The following FREM3 variants were observed in gnomAD, a reference collection of about 807,000 sequenced individuals.
FREM3 encodes FRAS1 related extracellular matrix 3.
In FREM3, 105 loss-of-function variants were observed where a neutral mutation model predicts 129.1. The observed-to-expected ratio is 0.81, with a 90% confidence interval of 0.69 to 0.96. FREM3 has a LOEUF of 0.96. Among genes scored for constraint, FREM3 ranks in the 40% least tolerant of loss-of-function variants. The pLI, the probability that FREM3 is intolerant of heterozygous loss-of-function variation, is 0.00. For synonymous variants in FREM3, 1,014 were observed against 1,044.9 expected (o/e 0.97, Z 0.57); for missense variants, 2,593 against 2,666.3 (o/e 0.97, Z 0.61).
chr4:143,664,675 T>G (rs1739817182), intron 2 of FREM3, among the ~76,000 whole-genome samples: 1 of 152,174 alleles, frequency 6.6e-6, no homozygotes, highest in Non-Finnish European at 1.5e-5. Context: ...TGTTTGTCTG[T>G]GCCCTGCCCC....
chr4:143,604,334 T>G (rs751435301), intron 6 of FREM3, among the ~76,000 whole-genome samples: 3 of 152,050 alleles, frequency 2.0e-5, no homozygotes, highest in Admixed American at 6.6e-5. Context: ...GCAAAAGGAC[T>G]AAGACACTCC....
chr4:143,643,147 G>A (rs976852928), intron 2 of FREM3, among the ~76,000 whole-genome samples: 1 of 152,082 alleles, frequency 6.6e-6, no homozygotes, highest in African/African-American at 2.4e-5. Flanking sequence ...AGAGAAAAAG[G>A]AACACTTACT....
Position 143,700,527 on chromosome 4 carries a change from C to T in FREM3, c.149G>A (p.Gly50Asp). The change falls in exon 1 of 8, where the codon GGT becomes GAT. Residue 50 changes from glycine (G) to aspartate (D), a missense_variant. By Grantham distance (94) the Gly-to-Asp change is moderately conservative (BLOSUM62 -1). Coordinates refer to ENST00000329798, the MANE Select transcript of FREM3 (RefSeq NM_001168235.2). Reference protein sequence around the residue: ...PDPALYLPARGALDGTRPDGP... With the variant: ...PDPALYLPARDALDGTRPDGP... ...GTCGGGGCGAGTGCCGTCAAGCGCA[C>T]CCCGGGCGGGCAGGTAAAGCGCCGG... The T allele has an allele frequency of 1.3e-6, 2 of 1,519,214 alleles. No individual in the cohort carries two copies. The highest frequency in any genetic ancestry group is 2.4e-5 in the South Asian group (2 of 82,126). 94.1% of individuals were successfully genotyped at this position (1,519,214 alleles called of 1,614,324 possible). A position where few individuals can be genotyped will look rare whatever the true frequency, so the allele number is the denominator to read the frequency against.
intron 5 of FREM3, among the ~76,000 whole-genome samples, chr4:143,617,202 A>G (rs1037607891): frequency 6.6e-6 from 1 of 152,190 alleles, no homozygotes; most frequent in Non-Finnish European, 1.5e-5. Flanking sequence ...ACATTTCATT[A>G]TAGAGCAAGA....
chr4:143,602,457 G>T (rs1738589480), intron 6 of FREM3, among the ~76,000 whole-genome samples: 2 of 152,140 alleles, frequency 1.3e-5, no homozygotes, highest in South Asian at 4.1e-4. Flanking sequence ...GTGAATATCT[G>T]TAGGGTAGGG....
intron 4 of FREM3, among the ~76,000 whole-genome samples, chr4:143,622,493 T>A (rs187666385): frequency 6.6e-6 from 1 of 151,956 alleles, no homozygotes; most frequent in African/African-American, 2.4e-5. Context: ...GTATATTAAT[T>A]TTTTTCTTCT....
At chr4:143,692,399 A>T (rs1388897991) in intron 2 of FREM3, among the ~76,000 whole-genome samples, 1 of 152,200 alleles carries the variant, frequency 6.6e-6, no homozygotes, top group African/African-American at 2.4e-5. Flanking sequence ...ACTGGGAATG[A>T]GTAATGATTT....
At chr4:143,628,070 C>G (rs971130581) in intron 2 of FREM3, among the ~76,000 whole-genome samples, 1 of 151,994 alleles carries the variant, frequency 6.6e-6, no homozygotes, top group African/African-American at 2.4e-5. Context: ...TACTCAACAC[C>G]TCTATCGTTT....
At chr4:143,614,216 A>G (rs910215481) in intron 5 of FREM3, among the ~76,000 whole-genome samples, 18 of 152,340 alleles carry the variant, frequency 1.2e-4, no homozygotes, top group African/African-American at 4.1e-4. Context: ...AATTCAGTTG[A>G]TCTAAATGGA....
At chr4:143,679,467 A>G (rs368958643) in intron 2 of FREM3, among the ~76,000 whole-genome samples, 23 of 152,310 alleles carry the variant, frequency 1.5e-4, no homozygotes, top group Admixed American at 4.6e-4. Flanking sequence ...GATCAAAAGT[A>G]AATAGAAAAT....
intron 2 of FREM3, among the ~76,000 whole-genome samples, chr4:143,628,003 G>A (rs1330988879): frequency 6.6e-6 from 1 of 151,952 alleles, no homozygotes; most frequent in Non-Finnish European, 1.5e-5. Context: ...ATTCCCAAAG[G>A]GTCTTGTGCA....
intron 7 of FREM3, among the ~76,000 whole-genome samples, chr4:143,584,835 C>G (rs994723027): frequency 6.6e-6 from 1 of 152,206 alleles, no homozygotes; most frequent in African/African-American, 2.4e-5. Flanking sequence ...ACATTCTTCT[C>G]TTCTGCACAT....
Position 143,611,404 on chromosome 4 carries a change from A to T in FREM3, c.5903T>A (p.Ile1968Asn), listed in dbSNP as rs1016176307. The change falls in exon 6 of 8, where the codon ATC becomes AAC. Residue 1968 changes from isoleucine (I) to asparagine (N), a missense_variant. Ile to Asn is a moderately radical substitution (Grantham distance 149). Around this residue, in one of 2 missense-constraint regions of FREM3, gnomAD observed 317 missense variants for 399.0 expected, o/e 0.79. Transcript: ENST00000329798. ...CTCTTCATAAAGGGAGTCATCAATG[A>T]TCAGGACCTGGCAGGTCTTCTGTGT... The part of the protein sequence containing the change: ...NETQKTCQVL[I>N]IDDSLYEEEE... 14 of 1,537,084 alleles carry T rather than the reference A, an allele frequency of 9.1e-6. No homozygotes were observed. Among genetic ancestry groups the T allele is most frequent in the Middle Eastern group, 3.3e-4 (2 of 6,012 alleles).
intron 2 of FREM3, among the ~76,000 whole-genome samples, chr4:143,643,691 TG>T (rs887445887): frequency 1.4e-4 from 22 of 152,130 alleles, no homozygotes; most frequent in African/African-American, 5.3e-4. Flanking sequence ...GAGGAGAGGC[TG>T]GTCAACAGGC....
chr4:143,616,758 A>C (rs1220796067), intron 5 of FREM3, among the ~76,000 whole-genome samples: 2 of 150,682 alleles, frequency 1.3e-5, no homozygotes, highest in East Asian at 3.9e-4. Context: ...GCGACACTGC[A>C]CTCCAGCCTG....
chr4:143,620,264 C>A (rs888915021), intron 5 of FREM3, among the ~76,000 whole-genome samples: 1 of 152,182 alleles, frequency 6.6e-6, no homozygotes, highest in African/African-American at 2.4e-5. Context: ...TCAGGACATA[C>A]CTGATACCTT....
chr4:143,678,418 C>A (rs1253567741), intron 2 of FREM3, among the ~76,000 whole-genome samples: 1 of 152,060 alleles, frequency 6.6e-6, no homozygotes, highest in African/African-American at 2.4e-5. Context: ...GGAGGGATAA[C>A]ATTAGGAGAT....
At chr4:143,694,411 A>C (rs1740528693) in intron 1 of FREM3, among the ~76,000 whole-genome samples, 1 of 152,066 alleles carries the variant, frequency 6.6e-6, no homozygotes, top group Non-Finnish European at 1.5e-5. Flanking sequence ...TGAGAATAAA[A>C]TCATGATTTT....
At chr4:143,655,610 A>G (rs1297391156) in intron 2 of FREM3, among the ~76,000 whole-genome samples, 1 of 152,248 alleles carries the variant, frequency 6.6e-6, no homozygotes, top group Non-Finnish European at 1.5e-5. Context: ...TTAATGCAGC[A>G]TCTCTTAACT....
Sources: gnomAD v4.1 joint callset for allele counts (sites outside exome capture counted in the v4.1 genomes callset) on GRCh38, gnomAD v4.1.1 for gene constraint, gnomAD v4.1.1 regional missense constraint, MANE v1.5 for transcripts, NCBI Gene and HGNC (gene_info 2026-07-23, HGNC 2026-07-21) for gene names.